PRKN: variants seen among roughly 807,000 people sequenced by gnomAD.
PRKN encodes the protein parkin RBR E3 ubiquitin protein ligase.
A neutral mutation model predicts 59.5 loss-of-function variants in PRKN; 56 were observed. The observed-to-expected ratio is 0.94, with a 90% CI of 0.76 to 1.18. The LOEUF is 1.18. Among genes scored for constraint, PRKN ranks in the 50% most tolerant of loss-of-function variants. The pLI, the probability that PRKN is intolerant of heterozygous loss-of-function variation, is 0.00. For synonymous variants in PRKN, 250 were observed against 222.1 expected (o/e 1.13, Z -1.12); for missense variants, 657 against 596.4 (o/e 1.10, Z -1.06).
rs1562716553 is a variant in PRKN at position 162,380,478 on chromosome 6, TATATGTATATATACACAC to T, written c.171+62814_171+62831del. On this transcript the variant is annotated intron_variant, in intron 2 of 11. Coordinates refer to ENST00000366898, the MANE Select transcript of PRKN (RefSeq NM_004562.3). ...ATACACACATATATATGTGTGTATA[TATATGTATATATACACAC>T]ATATATATGTGTGTATATATATATA... is the stretch of plus-strand genomic sequence containing the variant. Among the ~76,000 whole-genome samples the T allele has an allele frequency of 1.6e-4, 6 of 38,320 alleles. 1 individual carries two copies. Among genetic ancestry groups the T allele is most frequent in the Non-Finnish European group, 2.8e-4 (5 of 18,136 alleles). 25.1% of individuals were successfully genotyped at this position (38,320 alleles called of 152,430 possible).
intron 3 of PRKN, among the ~76,000 whole-genome samples, chr6:162,227,153 T>C (rs570656378): frequency 6.6e-6 from 1 of 152,308 alleles, no homozygotes; most frequent in East Asian, 1.9e-4. Flanking sequence ...GTCTTCCGCA[T>C]ATGTACATCT....
intron 9 of PRKN, among the ~76,000 whole-genome samples, chr6:161,398,553 A>G (rs1786878288): frequency 2.0e-5 from 3 of 152,156 alleles, no homozygotes; most frequent in Admixed American, 2.0e-4. Flanking sequence ...CCTACTCAGG[A>G]ACTCCACTCA....
intron 6 of PRKN, among the ~76,000 whole-genome samples, chr6:161,843,960 T>C (rs1194800766): frequency 6.6e-6 from 1 of 152,170 alleles, no homozygotes; most frequent in Non-Finnish European, 1.5e-5. Context: ...CTCCAGGCTC[T>C]GGTCCTCACC....
rs370901972 is a variant in PRKN, at chr6:161,614,930, G to A, written c.872-45514C>T. ...TCCATCCCCCTTGGCAACAACAGCA[G>A]TTTCTTATTTTTAGTTTTCTGGGAG... On this transcript the variant is annotated intron_variant, in intron 7 of 11. Coordinates refer to ENST00000366898, the MANE Select transcript of PRKN (RefSeq NM_004562.3). 5.3e-5 allele frequency among the ~76,000 whole-genome samples: 8 copies of A among 151,074 alleles called. No homozygotes were observed. In the East Asian group the frequency reaches 9.8e-4, roughly 19 times the overall value.
At chr6:162,582,863 C>T (rs2128211726) in intron 1 of PRKN, among the ~76,000 whole-genome samples, 1 of 152,210 alleles carries the variant, frequency 6.6e-6, no homozygotes, top group Non-Finnish European at 1.5e-5. Context: ...TGCTATGCTT[C>T]CTTGCTATAT....
chr6:162,147,036 T>C (rs1046312813), intron 4 of PRKN, among the ~76,000 whole-genome samples: 9 of 150,794 alleles, frequency 6.0e-5, no homozygotes, highest in African/African-American at 1.2e-4. Context: ...CGGCCTTTTT[T>C]TATTTTGTCT....
At chr6:161,710,422 A>T (rs1410870906) in intron 7 of PRKN, among the ~76,000 whole-genome samples, 1 of 152,214 alleles carries the variant, frequency 6.6e-6, no homozygotes, top group Non-Finnish European at 1.5e-5. Context: ...TTACTGGAAC[A>T]TGACACCATC....
At chr6:162,561,103 A>G (rs901193642) in intron 1 of PRKN, among the ~76,000 whole-genome samples, 1 of 152,146 alleles carries the variant, frequency 6.6e-6, no homozygotes, top group Non-Finnish European at 1.5e-5. Context: ...AGCGTGTCCA[A>G]CTACAGTCAG....
chr6:161,670,485 C>T (rs902498421), intron 7 of PRKN, among the ~76,000 whole-genome samples: 1 of 152,098 alleles, frequency 6.6e-6, no homozygotes, highest in Non-Finnish European at 1.5e-5. Context: ...ATGTGAGTCT[C>T]CTCTCTGTGT....
chr6:162,253,169 G>GAGC lies in PRKN; in HGVS notation c.412+9353_412+9355dup, dbSNP rs1183492550. Among the ~76,000 whole-genome samples the GAGC allele has an allele frequency of 5.9e-5, 9 of 152,288 alleles. No individual in the cohort carries two copies. The South Asian group carries it at 1.2e-3, about 21-fold the overall frequency. Reference sequence around the variant, plus strand: ...TTATTTGCCGTGGAGTCCAAGAGAGGAGCATATCTATCGAAATGGTAATTG... The same window carrying GAGC: ...TTATTTGCCGTGGAGTCCAAGAGAGGAGCAGCATATCTATCGAAATGGTAATTG... On this transcript the variant is annotated intron_variant, in intron 3 of 11. Transcript: ENST00000366898.
intron 1 of PRKN, among the ~76,000 whole-genome samples, chr6:162,534,300 G>A (rs548698657): frequency 2.6e-5 from 4 of 152,114 alleles, no homozygotes; most frequent in Non-Finnish European, 5.9e-5. Flanking sequence ...ACTTCCAGAA[G>A]CTTCTTCCTG....
intron 4 of PRKN, among the ~76,000 whole-genome samples, chr6:162,137,926 T>C (rs771906202): frequency 1.3e-5 from 2 of 152,120 alleles, no homozygotes; most frequent in Non-Finnish European, 2.9e-5. Context: ...TACATATGAT[T>C]GGACTGAGGT....
chr6:162,530,248 G>A (rs752114136), intron 1 of PRKN, among the ~76,000 whole-genome samples: 14 of 152,136 alleles, frequency 9.2e-5, no homozygotes, highest in African/African-American at 1.9e-4. Context: ...GGGATGGGGC[G>A]GAGAATTATC....
At chr6:161,645,186 G>A (rs1040174407) in intron 7 of PRKN, among the ~76,000 whole-genome samples, 3 of 151,148 alleles carry the variant, frequency 2.0e-5, no homozygotes, top group African/African-American at 7.3e-5. Flanking sequence ...ATATATGACT[G>A]ATGATGTTTC....
rs1787473632 is a variant in PRKN, at chr6:161,410,349, C to A, written c.1084-23472G>T. 6.6e-6 allele frequency among the ~76,000 whole-genome samples: 1 copy of A among 152,178 alleles called. No individual in the cohort carries two copies. Among genetic ancestry groups the A allele is most frequent in the Non-Finnish European group, 1.5e-5 (1 of 68,042 alleles). On this transcript the variant is annotated intron_variant, in intron 9 of 11. Transcript: ENST00000366898. This position sits in a 1 kb window ranked among gnomAD's most constrained non-coding sequence, Gnocchi z 5.3. ...CCATGCTGAGCCCCGCTCATACCCACTGGGCCCAGCTCTTTTTCAGTCCTT... is the reference window on the plus strand; with the variant it reads ...CCATGCTGAGCCCCGCTCATACCCAATGGGCCCAGCTCTTTTTCAGTCCTT...
At chr6:162,480,580 T>C (rs921758410) in intron 1 of PRKN, among the ~76,000 whole-genome samples, 3 of 152,098 alleles carry the variant, frequency 2.0e-5, no homozygotes, top group African/African-American at 4.8e-5. Context: ...GACCGAGTGC[T>C]GCTGGTGAAG....
At chr6:162,122,098 A>G (rs1467658629) in intron 4 of PRKN, among the ~76,000 whole-genome samples, 1 of 152,184 alleles carries the variant, frequency 6.6e-6, no homozygotes, top group Non-Finnish European at 1.5e-5. Flanking sequence ...TGCTCTCTCA[A>G]GGGGGTTCAC....
chr6:162,207,313 A>G (rs1784989790), intron 3 of PRKN, among the ~76,000 whole-genome samples: 1 of 152,108 alleles, frequency 6.6e-6, no homozygotes. Flanking sequence ...CGGACGCTGA[A>G]GTGAGCTGAG....
chr6:162,058,609 C>G (rs1777963794), intron 4 of PRKN, among the ~76,000 whole-genome samples: 1 of 152,202 alleles, frequency 6.6e-6, no homozygotes, highest in Non-Finnish European at 1.5e-5. Context: ...CTGACTGACT[C>G]ATGACACATG....
Sources: allele counts gnomAD v4.1 joint callset (sites outside exome capture counted in the v4.1 genomes callset), GRCh38; gene constraint gnomAD v4.1.1; non-coding constraint Gnocchi (gnomAD v3.1); transcripts MANE v1.5; gene names NCBI Gene and HGNC (gene_info 2026-07-23, HGNC 2026-07-21).